MSANTD3: variants seen among roughly 807,000 people sequenced by gnomAD.
MSANTD3 encodes the protein Myb/SANT DNA binding domain containing 3.
A neutral mutation model predicts 27.7 loss-of-function variants in MSANTD3; 11 were observed. The observed-to-expected ratio is 0.40, with a 90% CI of 0.25 to 0.66. MSANTD3 has a LOEUF of 0.66. Among genes scored for constraint, MSANTD3 ranks in the 30% least tolerant of loss-of-function variants. MSANTD3 has a pLI of 0.41. For missense variants in MSANTD3, 250 were observed against 336.5 expected (o/e 0.74, Z 2.01); for synonymous variants, 131 against 127.2 (o/e 1.03, Z -0.20).
chr9:100,439,171 C>A (rs1836545079), intron 1 of MSANTD3, among the ~76,000 whole-genome samples: 1 of 152,106 alleles, frequency 6.6e-6, no homozygotes, highest in African/African-American at 2.4e-5. Flanking sequence ...GTTCTGTCAC[C>A]CTCATGTAAA....
At chr9:100,441,395 A>G (rs1836616833) in intron 1 of MSANTD3, among the ~76,000 whole-genome samples, 1 of 151,894 alleles carries the variant, frequency 6.6e-6, no homozygotes, top group Non-Finnish European at 1.5e-5. Context: ...GCACTTTGGG[A>G]GGCCGAGGCA....
intron 2 of MSANTD3, among the ~76,000 whole-genome samples, chr9:100,447,479 T>A (rs1242923460): frequency 1.3e-5 from 2 of 152,188 alleles, no homozygotes; most frequent in African/African-American, 4.8e-5. Context: ...TCTTTTTATG[T>A]TCACAGCTCT....
chr9:100,450,331 C>G lies in MSANTD3; in HGVS notation c.419-226C>G, dbSNP rs566751615. Reference sequence around the variant, plus strand: ...CCATACTTTGAAGTTCTAGAAATAACCTAACAAAACCCCTTATCATTATTT... The same window carrying G: ...CCATACTTTGAAGTTCTAGAAATAAGCTAACAAAACCCCTTATCATTATTT... On this transcript the variant is annotated intron_variant, in intron 2 of 2. Coordinates refer to ENST00000395067, the MANE Select transcript of MSANTD3 (RefSeq NM_080655.3). Among the ~76,000 whole-genome samples the G allele has an allele frequency of 2.4e-4, 37 of 152,242 alleles. No individual in the cohort carries two copies. The Middle Eastern group carries it at 0.01, about 42-fold the overall frequency.
rs1283079908 is a variant in MSANTD3 at position 100,442,192 on chromosome 9, T to C, written c.254T>C (p.Met85Thr). Residue 85 changes from methionine to threonine, a missense_variant, in exon 2 of 3, where the codon ATG (methionine) becomes ACG (threonine). This residue lies in a region of MSANTD3 where 235 missense variants were observed against 299.3 expected (regional missense o/e 0.79). Coordinates refer to ENST00000395067, the MANE Select transcript of MSANTD3 (RefSeq NM_080655.3). The stretch of plus-strand genomic sequence containing the variant: ...ATCAAGGCTCGGACCAAAAAAATTA[T>C]GGCCCATGAAAGGAGAGAGAAAGTG... ...ENIKARTKKI[M>T]AHERREKVKR... is the part of the protein sequence containing the mutation. 6.2e-7 allele frequency: 1 copy of C among 1,614,094 alleles called. No homozygotes were observed.
intron 2 of MSANTD3, chr9:100,448,315 A>G (rs2118129267): frequency 1.0e-6 from 1 of 985,380 alleles, no homozygotes; most frequent in East Asian, 1.1e-4. Flanking sequence ...CTGGAATGAA[A>G]TCAAAGAGAA....
In MSANTD3 at chr9:100,451,521, G is replaced by T. The variant is rs1010663856; in HGVS notation, c.*555G>T. The T allele has an allele frequency of 6.6e-6, 1 of 151,602 alleles. No individual in the cohort carries two copies. Among genetic ancestry groups the T allele is most frequent in the Non-Finnish European group, 1.5e-5 (1 of 67,908 alleles). The allele number at this position is 151,602 out of a possible 1,614,324, so 9.4% of individuals were successfully genotyped here. A position where few individuals can be genotyped will look rare whatever the true frequency, so the allele number is the denominator to read the frequency against. ...GTCATCCTCTGAGTATGGATTTTCT[G>T]TTTTTAAACAGCCCAAAGTTTAGAA... On this transcript the variant is annotated 3_prime_UTR_variant, in exon 3 of 3. Transcript: ENST00000395067.
At chr9:100,449,534 C>G (rs754276820) in intron 2 of MSANTD3, among the ~76,000 whole-genome samples, 2 of 151,902 alleles carry the variant, frequency 1.3e-5, no homozygotes, top group Admixed American at 6.6e-5. Context: ...GTTAAAAAAG[C>G]GAGACTACAG....
In MSANTD3 at chr9:100,442,346, C is replaced by T; in HGVS notation, c.408C>T (p.Ala136=). 6.2e-7 allele frequency: 1 copy of T among 1,611,338 alleles called. No individual in the cohort carries two copies. The highest frequency in any genetic ancestry group is 8.5e-7 in the Non-Finnish European group (1 of 1,179,210). ...PEEEPEYHPD[A]SAQESFAVSN... ...AGGAGCCCGAATACCACCCCGACGCCTCAGCCCAAGGTATCCGTTCCTGAT... is the reference window on the plus strand; with the variant it reads ...AGGAGCCCGAATACCACCCCGACGCTTCAGCCCAAGGTATCCGTTCCTGAT... The change falls in exon 2 of 3, where the codon GCC becomes GCT. Residue 136 remains alanine (A), a synonymous_variant. Transcript: ENST00000395067.
chr9:100,445,084 C>A, intron 2 of MSANTD3: 1 of 770,294 alleles, frequency 1.3e-6, no homozygotes, highest in Non-Finnish European at 2.2e-6. Flanking sequence ...CAAAGGTAAT[C>A]TGTTAATACT....
At chr9:100,448,615 C>G in intron 2 of MSANTD3, 2 of 985,378 alleles carry the variant, frequency 2.0e-6, no homozygotes, top group Non-Finnish European at 1.2e-6. Flanking sequence ...TATACCAGGC[C>G]CTGTGCTGGG....
In MSANTD3 at chr9:100,441,931, A is replaced by G; in HGVS notation, c.-8A>G. The G allele has an allele frequency of 6.3e-7, 1 of 1,598,312 alleles. No individual in the cohort carries two copies. Among genetic ancestry groups the G allele is most frequent in the Non-Finnish European group, 8.5e-7 (1 of 1,170,948 alleles). On this transcript the variant is annotated 5_prime_UTR_variant, in exon 2 of 3. Transcript: ENST00000395067. The stretch of plus-strand genomic sequence containing the variant: ...GATAGCTAGCGGCCAGGAGAAATAC[A>G]GTGGAAAATGCAAAACAACGAAATT...
intron 1 of MSANTD3, among the ~76,000 whole-genome samples, chr9:100,433,063 G>A (rs1302819972): frequency 3.9e-5 from 6 of 152,098 alleles, no homozygotes; most frequent in East Asian, 1.9e-4. Flanking sequence ...TGGTACAGTC[G>A]GGGAGGCTTG....
At chr9:100,445,180 G>C in intron 2 of MSANTD3, 1 of 1,608,016 alleles carries the variant, frequency 6.2e-7, no homozygotes, top group Non-Finnish European at 8.5e-7. Flanking sequence ...TTTCTTTCAA[G>C]AAAGAAAAAG....
intron 1 of MSANTD3, among the ~76,000 whole-genome samples, chr9:100,432,182 G>A (rs1398823233): frequency 6.6e-6 from 1 of 152,156 alleles, no homozygotes; most frequent in African/African-American, 2.4e-5. Flanking sequence ...TGCCTGGAGT[G>A]GGTGGAAAAG....
chr9:100,449,309 A>C (rs772843459), intron 2 of MSANTD3: 11 of 941,068 alleles, frequency 1.2e-5, no homozygotes, highest in Non-Finnish European at 1.4e-5. Flanking sequence ...TCTTCCCTTT[A>C]TATTCAAGGG....
intron 2 of MSANTD3, chr9:100,448,190 C>CAAAAAAAAAAAAAAAAAAAAAAAA: frequency 1.5e-6 from 1 of 666,864 alleles, no homozygotes; most frequent in Non-Finnish European, 1.7e-6. Context: ...GACCCCATCT[C>CAAAAAAAAAAAAAAAAAAAAAAAA]AAAAAAAAAA....
At chr9:100,436,177 G>A (rs998830532) in intron 1 of MSANTD3, among the ~76,000 whole-genome samples, 13 of 152,076 alleles carry the variant, frequency 8.5e-5, no homozygotes, top group Non-Finnish European at 1.6e-4. Flanking sequence ...TCACTGTGTT[G>A]TCCAGGCTGA....
intron 2 of MSANTD3, chr9:100,448,690 T>C: frequency 1.0e-6 from 1 of 985,250 alleles, no homozygotes; most frequent in Non-Finnish European, 1.2e-6. Context: ...GAAAGGGAGG[T>C]AAACTGCCAG....
Position 100,450,953 on chromosome 9 carries a change from C to G in MSANTD3, c.815C>G (p.Pro272Arg). The change falls in exon 3 of 3, where the codon CCC becomes CGC. Residue 272 changes from proline (P) to arginine (R), a missense_variant. Physicochemically the swap from Pro to Arg is moderately radical, Grantham distance 103. Transcript: ENST00000395067. The stretch of plus-strand genomic sequence containing the variant: ...GTTTCCTCATTTAACCGGCCCTTTC[C>G]CAATTCGCCCTAAGACTTTGGGGGT... ...WPVSSFNRPF[P>R]NSP is the part of the protein sequence containing the mutation. 1.3e-6 allele frequency: 2 copies of G among 1,587,944 alleles called. No individual in the cohort carries two copies. The highest frequency in any genetic ancestry group is 1.7e-6 in the Non-Finnish European group (2 of 1,169,886).
Sources: allele counts gnomAD v4.1 joint callset (sites outside exome capture counted in the v4.1 genomes callset), GRCh38; gene constraint gnomAD v4.1.1; regional missense constraint gnomAD v4.1.1; transcripts MANE v1.5; gene names NCBI Gene and HGNC (gene_info 2026-07-23, HGNC 2026-07-21).